The following TYR variants were observed in gnomAD, a reference collection of about 807,000 sequenced individuals.
TYR encodes LB24-AB.
TYR carries 58 observed loss-of-function variants against 51.5 expected under a neutral mutation model. The observed-to-expected ratio is 1.13, with a 90% CI of 0.91 to 1.40. The LOEUF (loss-of-function observed/expected upper bound fraction) is 1.40, where lower values mean the gene tolerates loss of function less well. Among genes scored for constraint, TYR ranks in the 40% most tolerant of loss-of-function variants. The pLI is 0.00. For synonymous variants in TYR, 263 were observed against 235.2 expected (o/e 1.12, Z -1.08); for missense variants, 732 against 647.4 (o/e 1.13, Z -1.42).
chr11:89,272,516 T>C (rs1009221449), intron 3 of TYR, among the ~76,000 whole-genome samples: 2 of 151,722 alleles, frequency 1.3e-5, no homozygotes, highest in Non-Finnish European at 2.9e-5. Flanking sequence ...GCAGGGTAGA[T>C]TTAGTGTTTT....
chr11:89,211,589 G>A (rs1943756511), intron 2 of TYR, among the ~76,000 whole-genome samples: 1 of 152,106 alleles, frequency 6.6e-6, no homozygotes, highest in Non-Finnish European at 1.5e-5. Flanking sequence ...ACTCGGCTCT[G>A]GACCAAATGG....
chr11:89,197,525 AT>A lies in TYR; in HGVS notation c.1036+6109del, dbSNP rs370750905. ...GAAAAATTTGCCTTGAAAACATGCC[AT>A]TGACAAGGGTAGTTGTGATAGGTTA... is the stretch of plus-strand genomic sequence containing the variant. On this transcript the variant is annotated intron_variant, in intron 2 of 4. Transcript: ENST00000263321. 1.5e-3 allele frequency among the ~76,000 whole-genome samples: 222 copies of A among 152,320 alleles called. 2 individuals are homozygous for A. The highest frequency in any genetic ancestry group is 5.2e-3 in the African/African-American group (216 of 41,584).
At chr11:89,208,265 G>A (rs925323641) in intron 2 of TYR, among the ~76,000 whole-genome samples, 7 of 152,106 alleles carry the variant, frequency 4.6e-5, no homozygotes, top group African/African-American at 9.7e-5. Flanking sequence ...GCAAGACTCC[G>A]TCTCAAGAAA....
chr11:89,249,626 C>T (rs1188269230), intron 3 of TYR, among the ~76,000 whole-genome samples: 4 of 151,824 alleles, frequency 2.6e-5, no homozygotes, highest in African/African-American at 9.7e-5. Flanking sequence ...GCTTCGGGAG[C>T]CAGACTGGAG....
chr11:89,206,346 A>G (rs113782198), intron 2 of TYR, among the ~76,000 whole-genome samples: 116 of 152,260 alleles, frequency 7.6e-4, no homozygotes, highest in African/African-American at 2.7e-3. Flanking sequence ...AAGTGGCTAT[A>G]TTAATATCTA....
At chr11:89,269,555 T>G (rs1291241885) in intron 3 of TYR, among the ~76,000 whole-genome samples, 1 of 151,980 alleles carries the variant, frequency 6.6e-6, no homozygotes, top group Non-Finnish European at 1.5e-5. Context: ...ATACTAAGTT[T>G]CTCCAAGTTT....
At chr11:89,247,235 C>T (rs1395809690) in intron 3 of TYR, among the ~76,000 whole-genome samples, 2 of 152,132 alleles carry the variant, frequency 1.3e-5, no homozygotes, top group East Asian at 1.9e-4. Flanking sequence ...ATCATGGGTT[C>T]GTGGCAGACA....
chr11:89,186,135 A>G (rs936831188), intron 1 of TYR, among the ~76,000 whole-genome samples: 8 of 152,144 alleles, frequency 5.3e-5, no homozygotes, highest in African/African-American at 1.9e-4. Context: ...TGTCCAGAGA[A>G]AGTAGGCCAT....
chr11:89,255,707 G>A (rs1014076793), intron 3 of TYR, among the ~76,000 whole-genome samples: 1 of 151,610 alleles, frequency 6.6e-6, no homozygotes, highest in Non-Finnish European at 1.5e-5. Flanking sequence ...AATTCATAAT[G>A]TCTACTTCTT....
At chr11:89,263,951 T>C (rs1944493465) in intron 3 of TYR, among the ~76,000 whole-genome samples, 2 of 152,072 alleles carry the variant, frequency 1.3e-5, no homozygotes, top group Non-Finnish European at 2.9e-5. Flanking sequence ...ACAATCTCTG[T>C]CAAGTGAGAG....
intron 3 of TYR, among the ~76,000 whole-genome samples, chr11:89,264,512 C>G (rs1250919132): frequency 6.6e-6 from 1 of 151,802 alleles, no homozygotes; most frequent in Non-Finnish European, 1.5e-5. Flanking sequence ...GTGTGGCAAT[C>G]TCTTGAAGAC....
At chr11:89,286,510 A>G (rs898453871) in intron 4 of TYR, among the ~76,000 whole-genome samples, 12 of 151,798 alleles carry the variant, frequency 7.9e-5, no homozygotes, top group Non-Finnish European at 1.6e-4. Flanking sequence ...ATAGATGAGG[A>G]AACAGAGTCA....
intron 1 of TYR, among the ~76,000 whole-genome samples, chr11:89,186,971 T>G (rs747845416): frequency 9.2e-5 from 14 of 152,154 alleles, no homozygotes; most frequent in Admixed American, 1.3e-4. Flanking sequence ...CCTCAGCAGA[T>G]ACCTTGATCT....
At chr11:89,187,445 C>T (rs1591140098) in intron 1 of TYR, among the ~76,000 whole-genome samples, 1 of 152,024 alleles carries the variant, frequency 6.6e-6, no homozygotes, top group South Asian at 2.1e-4. Flanking sequence ...AACATGGGGA[C>T]TTGCAGGGAT....
At chr11:89,214,227 G>A (rs995241883) in intron 2 of TYR, among the ~76,000 whole-genome samples, 2 of 151,884 alleles carry the variant, frequency 1.3e-5, no homozygotes, top group African/African-American at 4.8e-5. Context: ...CAAAGGATAT[G>A]AACAGACACT....
chr11:89,209,719 T>A (rs1943726022), intron 2 of TYR, among the ~76,000 whole-genome samples: 2 of 152,074 alleles, frequency 1.3e-5, no homozygotes, highest in Non-Finnish European at 2.9e-5. Context: ...GGCCGACAGC[T>A]GCCTCATACA....
intron 3 of TYR, among the ~76,000 whole-genome samples, chr11:89,270,486 A>C (rs1412633350): frequency 6.6e-6 from 1 of 151,696 alleles, no homozygotes; most frequent in Non-Finnish European, 1.5e-5. Flanking sequence ...ACCTTTCCTC[A>C]TTTGGCTTTC....
At chr11:89,185,968 A>G (rs1420843677) in intron 1 of TYR, among the ~76,000 whole-genome samples, 1 of 152,192 alleles carries the variant, frequency 6.6e-6, no homozygotes, top group African/African-American at 2.4e-5. Flanking sequence ...ATTCAGAGTC[A>G]GCCCCTTTTG....
intron 2 of TYR, among the ~76,000 whole-genome samples, chr11:89,195,936 G>A (rs369771674): frequency 6.6e-6 from 1 of 151,980 alleles, no homozygotes; most frequent in African/African-American, 2.4e-5. Flanking sequence ...AATGGGACAT[G>A]GGGACTGAAA....
Sources: allele counts gnomAD v4.1 joint callset (sites outside exome capture counted in the v4.1 genomes callset), GRCh38; gene constraint gnomAD v4.1.1; transcripts MANE v1.5; gene names NCBI Gene and HGNC (gene_info 2026-07-23, HGNC 2026-07-21).